The following THEMIS variants were observed in gnomAD, a reference collection of about 807,000 sequenced individuals.
THEMIS encodes the protein thymocyte selection associated.
A neutral mutation model predicts 52.6 loss-of-function variants in THEMIS; 37 were observed. The ratio of observed to expected loss-of-function variants is 0.70; its 90% CI spans 0.54 to 0.93. The LOEUF (loss-of-function observed/expected upper bound fraction) is 0.93. Ranked by LOEUF, THEMIS falls within the 40% of genes least tolerant of loss-of-function variation. The probability of loss-of-function intolerance (pLI) is 0.00; values close to 1 mark genes in which losing one functional copy is unlikely to be tolerated. For missense variants in THEMIS, 808 were observed against 763.1 expected (o/e 1.06, Z -0.69); for synonymous variants, 292 against 272.7 (o/e 1.07, Z -0.70).
chr6:127,854,751 C>A (rs1779558676), intron 2 of THEMIS, among the ~76,000 whole-genome samples: 1 of 151,736 alleles, frequency 6.6e-6, no homozygotes, highest in African/African-American at 2.4e-5. Flanking sequence ...CATTATTTAG[C>A]ACAACTAGTG....
chr6:127,702,675 A>C, the THEMIS span, among the ~76,000 whole-genome samples: 1 of 151,114 alleles, frequency 6.6e-6, no homozygotes, highest in African/African-American at 2.4e-5. Flanking sequence ...CACTCTGCTG[A>C]TAAAGACATA....
At chr6:127,829,187 A>G (rs1778609719) in intron 3 of THEMIS, among the ~76,000 whole-genome samples, 1 of 152,230 alleles carries the variant, frequency 6.6e-6, no homozygotes, top group South Asian at 2.1e-4. Context: ...GTCATATTTA[A>G]CTGGCAGTAA....
chr6:127,854,512 A>G (rs1431442867), intron 2 of THEMIS, among the ~76,000 whole-genome samples: 1 of 151,772 alleles, frequency 6.6e-6, no homozygotes, highest in Non-Finnish European at 1.5e-5. Context: ...AGGGTCAGCA[A>G]AAGTCTTCTA....
At chr6:127,753,756 A>T (rs1775726611) in intron 4 of THEMIS, among the ~76,000 whole-genome samples, 1 of 151,962 alleles carries the variant, frequency 6.6e-6, no homozygotes, top group African/African-American at 2.4e-5. Flanking sequence ...TGGGAGGGTG[A>T]AGTGGGGAGG....
rs1262214681 is a variant in THEMIS at position 127,808,773 on chromosome 6, T to C, written c.1758+4110A>G. On this transcript the variant is annotated intron_variant, in intron 4 of 5. Coordinates refer to ENST00000368248, the MANE Select transcript of THEMIS (RefSeq NM_001010923.3). ...TTCTACACCAATCTATTTTTTTTTC[T>C]TTTTAGGTATTGCTAAAGCTGGAGA... Among the ~76,000 whole-genome samples the C allele has an allele frequency of 2.6e-5, 4 of 152,180 alleles. No homozygotes were observed. In the East Asian group the frequency reaches 7.7e-4, roughly 29 times the overall value.
At position 127,709,844 on chromosome 6, in the gene THEMIS, AG is replaced by A; in HGVS notation, c.*140del. 1 of 683,176 alleles carries A rather than the reference AG, an allele frequency of 1.5e-6. No homozygotes were observed. The highest frequency in any genetic ancestry group is 1.8e-5 in the South Asian group (1 of 55,890). 42.3% of individuals were successfully genotyped at this position (683,176 alleles called of 1,614,324 possible). ...TAAGTTTTATCTGTTAAAAGTTTTA[AG>A]GTTGTTCTTTCCTTTGCAGCGATGA... On this transcript the variant is annotated 3_prime_UTR_variant, in exon 6 of 6. Transcript: ENST00000368248.
intron 1 of THEMIS, chr6:127,868,452 C>T (rs569889596): frequency 1.0e-6 from 1 of 985,386 alleles, no homozygotes; most frequent in South Asian, 4.7e-5. Context: ...GGGATAAAGA[C>T]ACCTTCAAGA....
intron 4 of THEMIS, among the ~76,000 whole-genome samples, chr6:127,793,182 C>T (rs114498287): frequency 6.6e-6 from 1 of 152,260 alleles, no homozygotes; most frequent in African/African-American, 2.4e-5. Flanking sequence ...CTGGAGAGAA[C>T]AGGGACAAGC....
chr6:127,785,681 T>A (rs968945556), intron 4 of THEMIS, among the ~76,000 whole-genome samples: 3 of 151,904 alleles, frequency 2.0e-5, no homozygotes, highest in Admixed American at 6.6e-5. Context: ...TTTTCCTCCT[T>A]ATTCAAAAAT....
intron 2 of THEMIS, among the ~76,000 whole-genome samples, chr6:127,832,401 A>C (rs552829273): frequency 6.6e-6 from 1 of 152,296 alleles, no homozygotes; most frequent in Admixed American, 6.5e-5. Context: ...CTCTTCATAT[A>C]CTATTGCAGC....
chr6:127,886,547 G>C (rs955757552), intron 1 of THEMIS, among the ~76,000 whole-genome samples: 3 of 152,032 alleles, frequency 2.0e-5, no homozygotes, highest in African/African-American at 4.8e-5. Flanking sequence ...GTTCACTTGG[G>C]GTCCTGGACC....
At chr6:127,867,756 T>G (rs1047671920) in intron 1 of THEMIS, among the ~76,000 whole-genome samples, 1 of 152,142 alleles carries the variant, frequency 6.6e-6, no homozygotes, top group Non-Finnish European at 1.5e-5. Context: ...GTATATTTCA[T>G]TATTTAAATT....
chr6:127,785,609 C>T lies in THEMIS; in HGVS notation c.1758+27274G>A, dbSNP rs575077742. ...TATAAAAGGATTATAAAAATATAATCGTTAAAATATCTCAGTTCACTTTTA... is the reference window on the plus strand; with the variant it reads ...TATAAAAGGATTATAAAAATATAATTGTTAAAATATCTCAGTTCACTTTTA... On this transcript the variant is annotated intron_variant, in intron 4 of 5. Transcript: ENST00000368248. 2.6e-5 allele frequency among the ~76,000 whole-genome samples: 4 copies of T among 151,760 alleles called. 1 individual carries two copies. Among genetic ancestry groups the T allele is most frequent in the African/African-American group, 9.7e-5 (4 of 41,436 alleles).
chr6:127,752,903 A>C (rs559522356), intron 4 of THEMIS, among the ~76,000 whole-genome samples: 1 of 152,036 alleles, frequency 6.6e-6, no homozygotes, highest in East Asian at 1.9e-4. Context: ...ATACCTGATA[A>C]GTGTAAAAAT....
intron 4 of THEMIS, among the ~76,000 whole-genome samples, chr6:127,794,518 G>A: frequency 6.6e-6 from 1 of 152,250 alleles, no homozygotes; most frequent in Non-Finnish European, 1.5e-5. Context: ...ATTTAATACA[G>A]GGTCTTAGTA....
Position 127,900,865 on chromosome 6 carries a change from A to G in THEMIS, c.68T>C (p.Ile23Thr), listed in dbSNP as rs201981880. 5 of 1,613,162 alleles carry G rather than the reference A, an allele frequency of 3.1e-6. No homozygotes were observed. The East Asian group carries it at 8.9e-5, about 29-fold the overall frequency. Residue 23 changes from isoleucine (I) to threonine (T), a missense_variant, in exon 1 of 6, where the codon ATC becomes ACC. By Grantham distance (89) the Ile-to-Thr change is moderately conservative. Coordinates refer to ENST00000368248, the MANE Select transcript of THEMIS (RefSeq NM_001010923.3). ...DLRTLPRVLE[I>T]QAGIYLEGSI... ...ACCTTCAAGATAGATGCCTGCCTGG[A>G]TTTCTAGAACCCTGGGTAGGGTCCT...
At chr6:127,798,417 A>T (rs148040007) in intron 4 of THEMIS, among the ~76,000 whole-genome samples, 1,563 of 152,278 alleles carry the variant, frequency 0.01, 14 homozygotes, top group Non-Finnish European at 0.016. Flanking sequence ...GGTTAGTTAC[A>T]TATGTATACA....
At chr6:127,718,782 G>T (rs1774259172) in intron 5 of THEMIS, among the ~76,000 whole-genome samples, 1 of 151,898 alleles carries the variant, frequency 6.6e-6, no homozygotes, top group Non-Finnish European at 1.5e-5. Context: ...CTCGGAGAGA[G>T]TCAATGAAAA....
chr6:127,753,939 T>C (rs929300119), intron 4 of THEMIS, among the ~76,000 whole-genome samples: 1 of 152,050 alleles, frequency 6.6e-6, no homozygotes, highest in African/African-American at 2.4e-5. Context: ...ATGATAATAA[T>C]AATATAGAGG....
Sources: gnomAD v4.1 joint callset for allele counts (sites outside exome capture counted in the v4.1 genomes callset) on GRCh38, gnomAD v4.1.1 for gene constraint, MANE v1.5 for transcripts, NCBI Gene and HGNC (gene_info 2026-07-23, HGNC 2026-07-21) for gene names.